Variants in TSHZ2 observed in about 807,000 individuals in gnomAD.
The protein encoded by TSHZ2 is teashirt homolog 2.
Under a neutral mutation model 74.4 loss-of-function variants are expected in TSHZ2, and 21 were observed. The observed-to-expected ratio is 0.28, with a 90% CI of 0.20 to 0.41. The LOEUF (loss-of-function observed/expected upper bound fraction) is 0.41, where lower values mean the gene tolerates loss of function less well. Ranked by LOEUF, TSHZ2 falls within the 10% of genes least tolerant of loss-of-function variation. TSHZ2 has a pLI of 1.00. For missense variants in TSHZ2, 1,244 were observed against 1,293.5 expected (o/e 0.96, Z 0.59); for synonymous variants, 540 against 515.3 (o/e 1.05, Z -0.65).
At chr20:53,269,862 T>C (rs1990798177) in intron 2 of TSHZ2, among the ~76,000 whole-genome samples, 1 of 152,152 alleles carries the variant, frequency 6.6e-6, no homozygotes. Context: ...TATTGAGCAC[T>C]GTTTGAATCA....
intron 1 of TSHZ2, among the ~76,000 whole-genome samples, chr20:53,159,106 A>ATAAC (rs1467331079): frequency 6.6e-6 from 1 of 152,242 alleles, no homozygotes; most frequent in African/African-American, 2.4e-5. Context: ...TTACCCTCAC[A>ATAAC]ACCATGCTTT....
intron 2 of TSHZ2, among the ~76,000 whole-genome samples, chr20:53,321,697 A>AGAAAG (rs1979273984): frequency 7.1e-6 from 1 of 140,516 alleles, no homozygotes; most frequent in Admixed American, 7.5e-5. Context: ...AAAAAAAAAA[A>AGAAAG]AAAGAAAGAC....
chr20:53,234,589 C>A (rs1238871948), intron 1 of TSHZ2, among the ~76,000 whole-genome samples: 2 of 151,974 alleles, frequency 1.3e-5, no homozygotes, highest in Non-Finnish European at 2.9e-5. Flanking sequence ...CTGGTTGCAA[C>A]GTTAAATAGG....
chr20:53,319,762 C>A (rs1447314834), intron 2 of TSHZ2, among the ~76,000 whole-genome samples: 1 of 152,224 alleles, frequency 6.6e-6, no homozygotes, highest in Non-Finnish European at 1.5e-5. Flanking sequence ...GGGACAAAAT[C>A]TTTAAGAGAA....
At chr20:53,114,264 A>C (rs1375323430) in intron 1 of TSHZ2, among the ~76,000 whole-genome samples, 3 of 152,196 alleles carry the variant, frequency 2.0e-5, no homozygotes, top group Admixed American at 6.5e-5. Flanking sequence ...ACGAGTATAC[A>C]CAAAGCATCC....
At chr20:53,159,803 A>G (rs377720104) in intron 1 of TSHZ2, among the ~76,000 whole-genome samples, 1 of 152,346 alleles carries the variant, frequency 6.6e-6, no homozygotes, top group African/African-American at 2.4e-5. Flanking sequence ...ACAAATATTT[A>G]TTTAATGTCT....
intron 1 of TSHZ2, among the ~76,000 whole-genome samples, chr20:53,143,490 G>T (rs1278975473): frequency 2.0e-5 from 3 of 152,176 alleles, no homozygotes; most frequent in Middle Eastern, 3.4e-3. Flanking sequence ...TCAGAAGATC[G>T]AGACCATCCT....
At chr20:53,326,504 AATTTG>A (rs1384978008) in intron 2 of TSHZ2, among the ~76,000 whole-genome samples, 1 of 152,286 alleles carries the variant, frequency 6.6e-6, no homozygotes, top group Admixed American at 6.5e-5. Flanking sequence ...GCTGTACATG[AATTTG>A]ATTTGAGCTG....
chr20:53,001,093 C>T (rs898506194), intron 1 of TSHZ2, among the ~76,000 whole-genome samples: 13 of 152,072 alleles, frequency 8.5e-5, no homozygotes, highest in South Asian at 2.1e-4. Flanking sequence ...TGAGGAGTAG[C>T]GTGATGAAAA....
At chr20:53,355,325 C>T (rs1240315791) in intron 2 of TSHZ2, among the ~76,000 whole-genome samples, 2 of 152,092 alleles carry the variant, frequency 1.3e-5, no homozygotes, top group African/African-American at 4.8e-5. Flanking sequence ...TCAGTAGCAT[C>T]GTTCATAAAT....
rs1600804032 is a variant in TSHZ2 at position 53,310,755 on chromosome 20, T to C, written c.*8+54184T>C. Among the ~76,000 whole-genome samples the C allele has an allele frequency of 2.6e-5, 4 of 152,252 alleles. No homozygotes were observed. The South Asian group carries it at 8.3e-4, about 32-fold the overall frequency. On this transcript the variant is annotated intron_variant, in intron 2 of 2. Coordinates refer to ENST00000371497, the MANE Select transcript of TSHZ2 (RefSeq NM_173485.6). The stretch of plus-strand genomic sequence containing the variant: ...TTCCCCAACATGACCATTTACCTCA[T>C]CAAAGCCAGCAAGGGAGAAAGAGTC...
chr20:53,192,562 G>GAA (rs35358292), intron 1 of TSHZ2, among the ~76,000 whole-genome samples: 8,294 of 127,170 alleles, frequency 0.065, 335 homozygotes, highest in Non-Finnish European at 0.091. Flanking sequence ...TTAGTGTCTG[G>GAA]AAAAAAAAAA....
intron 2 of TSHZ2, among the ~76,000 whole-genome samples, chr20:53,473,721 G>A (rs998703974): frequency 2.6e-5 from 4 of 151,788 alleles, no homozygotes; most frequent in Non-Finnish European, 4.4e-5. Flanking sequence ...GCTACGGGAG[G>A]ACATTCAAAC....
chr20:53,409,232 T>A (rs1416599269), intron 2 of TSHZ2, among the ~76,000 whole-genome samples: 4 of 150,152 alleles, frequency 2.7e-5, no homozygotes, highest in Non-Finnish European at 5.9e-5. Context: ...TCAATAATGC[T>A]CTGTTTGTTT....
At chr20:53,160,182 G>A (rs1987895621) in intron 1 of TSHZ2, among the ~76,000 whole-genome samples, 1 of 152,128 alleles carries the variant, frequency 6.6e-6, no homozygotes, top group South Asian at 2.1e-4. Flanking sequence ...AGATTGGGGA[G>A]GCAGGTATCT....
chr20:53,453,079 ACT>A (rs1207074435), intron 2 of TSHZ2: 1 of 152,070 alleles, frequency 6.6e-6, no homozygotes, highest in Non-Finnish European at 1.5e-5. Flanking sequence ...ATAAGCATCC[ACT>A]CCTTGGAAGC....
intron 2 of TSHZ2, among the ~76,000 whole-genome samples, chr20:53,304,891 A>G (rs1978460611): frequency 6.6e-6 from 1 of 151,242 alleles, no homozygotes; most frequent in Non-Finnish European, 1.5e-5. Flanking sequence ...TGGCCTCCCA[A>G]AGTGCTGGGA....
At chr20:52,986,994 C>A (rs558246977) in intron 1 of TSHZ2, among the ~76,000 whole-genome samples, 1 of 151,756 alleles carries the variant, frequency 6.6e-6, no homozygotes, top group Non-Finnish European at 1.5e-5. Context: ...TGTGAGGACA[C>A]TGCAATGCCA....
intron 1 of TSHZ2, among the ~76,000 whole-genome samples, chr20:53,006,782 A>C (rs1982662025): frequency 6.6e-6 from 1 of 152,204 alleles, no homozygotes; most frequent in African/African-American, 2.4e-5. Context: ...TACAGATCTA[A>C]AATAGCATCA....
Sources: gnomAD v4.1 joint callset for allele counts (sites outside exome capture counted in the v4.1 genomes callset) on GRCh38, gnomAD v4.1.1 for gene constraint, MANE v1.5 for transcripts, NCBI Gene and HGNC (gene_info 2026-07-23, HGNC 2026-07-21) for gene names.